The following ZFP69 variants were observed in gnomAD, a reference collection of about 807,000 sequenced individuals.
ZFP69 encodes ZFP69 zinc finger protein.
Under a neutral mutation model 48.9 loss-of-function variants are expected in ZFP69, and 35 were observed. The observed-to-expected ratio is 0.72, with a 90% CI of 0.55 to 0.95. The LOEUF (loss-of-function observed/expected upper bound fraction) is 0.95, where lower values mean the gene tolerates loss of function less well. Ranked by LOEUF, ZFP69 falls within the 40% of genes least tolerant of loss-of-function variation. ZFP69 has a pLI of 0.00. For synonymous variants in ZFP69, 193 were observed against 216.8 expected (o/e 0.89, Z 0.96); for missense variants, 557 against 638.4 (o/e 0.87, Z 1.37).
chr1:40,494,644 A>T (rs1017505403), intron 5 of ZFP69, among the ~76,000 whole-genome samples: 2 of 146,818 alleles, frequency 1.4e-5, no homozygotes, highest in African/African-American at 4.9e-5. Flanking sequence ...TTATATATAA[A>T]ATATATATTT....
Position 40,481,746 on chromosome 1 carries a change from C to A in ZFP69, c.128-17C>A. On this transcript the variant is annotated splice_polypyrimidine_tract_variant and intron_variant, in intron 2 of 5. Coordinates refer to ENST00000372706, the MANE Select transcript of ZFP69 (RefSeq NM_001320179.2). Reference sequence around the variant, plus strand: ...ATTTGGGGAGATGCAAAGCTCATGGCTCTTTTCCTTCCCCAGCTCTGCTGT... The same window carrying A: ...ATTTGGGGAGATGCAAAGCTCATGGATCTTTTCCTTCCCCAGCTCTGCTGT... 1.3e-6 allele frequency: 2 copies of A among 1,591,218 alleles called. No individual in the cohort carries two copies. The highest frequency in any genetic ancestry group is 8.6e-7 in the Non-Finnish European group (1 of 1,166,322).
rs1645598717 is a variant in ZFP69 at position 40,494,255 on chromosome 1, A to ATTTT, written c.443-666_443-665insTTTT. 6.9e-3 allele frequency among the ~76,000 whole-genome samples: 852 copies of ATTTT among 123,750 alleles called. 71 individuals carry two copies. Among genetic ancestry groups the ATTTT allele is most frequent in the African/African-American group, 0.014 (447 of 31,550 alleles). The allele number at this position is 123,750 out of a possible 152,430, so 81.2% of individuals were successfully genotyped here. A position where few individuals can be genotyped will look rare whatever the true frequency, so the allele number is the denominator to read the frequency against. On this transcript the variant is annotated intron_variant, in intron 5 of 5. Coordinates refer to ENST00000372706, the MANE Select transcript of ZFP69 (RefSeq NM_001320179.2). ...ATTAGAGCAGGACTAAAAGATTCAAAATTTTTTTTTTTTTTTTTTTTTTTT... is the reference window on the plus strand; with the variant it reads ...ATTAGAGCAGGACTAAAAGATTCAAATTTTATTTTTTTTTTTTTTTTTTTTTTTT...
Position 40,489,124 on chromosome 1 carries a change from A to C in ZFP69, c.256A>C (p.Thr86Pro). The C allele has an allele frequency of 6.2e-7, 1 of 1,613,950 alleles. No homozygotes were observed. Among genetic ancestry groups the C allele is most frequent in the Non-Finnish European group, 8.5e-7 (1 of 1,180,000 alleles). ...LTFKDISIDF[T>P]QEEWGQLAPA... ...TTTCAAGGACATATCTATTGACTTC[A>C]CCCAGGAAGAGTGGGGGCAGCTGGC... Residue 86 changes from threonine to proline, a missense_variant, in exon 4 of 6, where the codon ACC becomes CCC. Physicochemically the swap from Thr to Pro is conservative, Grantham distance 38. Transcript: ENST00000372706.
intron 3 of ZFP69, among the ~76,000 whole-genome samples, chr1:40,485,252 G>A (rs900781003): frequency 5.3e-5 from 8 of 151,860 alleles, no homozygotes; most frequent in African/African-American, 1.7e-4. Flanking sequence ...TTATATGTGA[G>A]GCCATATAAT....
At position 40,495,137 on chromosome 1, in the gene ZFP69, T is replaced by A. The variant is rs1645616356; in HGVS notation, c.659T>A (p.Val220Asp). Reference protein sequence around the residue: ...RQAILTHKKRVQETNKFGENI... With the variant: ...RQAILTHKKRDQETNKFGENI... ...GCCATCTTGACCCATAAGAAGAGAG[T>A]CCAAGAAACTAACAAATTTGGGGAA... The change falls in exon 6 of 6, where the codon GTC (valine) becomes GAC (aspartate). Residue 220 changes from valine (V) to aspartate (D), a missense_variant. Val to Asp is a radical substitution (Grantham distance 152, BLOSUM62 -3). Transcript: ENST00000372706. 2 of 1,613,804 alleles carry A rather than the reference T, an allele frequency of 1.2e-6. No homozygotes were observed. The highest frequency in any genetic ancestry group is 2.7e-5 in the African/African-American group (2 of 74,828).
intron 3 of ZFP69, among the ~76,000 whole-genome samples, chr1:40,483,685 C>T (rs1353251489): frequency 6.6e-6 from 1 of 152,172 alleles, no homozygotes; most frequent in Non-Finnish European, 1.5e-5. Context: ...ATTATCGTTA[C>T]TTCTTCCATA....
intron 3 of ZFP69, among the ~76,000 whole-genome samples, chr1:40,488,228 C>T (rs1430174190): frequency 6.6e-6 from 1 of 152,100 alleles, no homozygotes; most frequent in Non-Finnish European, 1.5e-5. Flanking sequence ...TATTTCCAAA[C>T]CCTTTCGTCT....
At position 40,479,032 on chromosome 1, in the gene ZFP69, G is replaced by C. The variant is rs41268065; in HGVS notation, c.-326-4G>C. 11,958 of 248,404 alleles carry C rather than the reference G, an allele frequency of 0.048. 448 individuals are homozygous for C. The highest frequency in any genetic ancestry group is 0.11 in the African/African-American group (4,646 of 43,370). The allele number at this position is 248,404 out of a possible 1,614,324, so 15.4% of individuals were successfully genotyped here. On this transcript the variant is annotated splice_polypyrimidine_tract_variant and splice_region_variant and intron_variant, in intron 1 of 5. Coordinates refer to ENST00000372706, the MANE Select transcript of ZFP69 (RefSeq NM_001320179.2). ...ATTTTGCAGTTTTAAATATATTTCTGCAGATTCTGGAGTTCTGGAGACAAG... is the reference window on the plus strand; with the variant it reads ...ATTTTGCAGTTTTAAATATATTTCTCCAGATTCTGGAGTTCTGGAGACAAG...
At chr1:40,489,866 CTT>C (rs374820239) in intron 5 of ZFP69, among the ~76,000 whole-genome samples, 21,108 of 114,406 alleles carry the variant, frequency 0.18, 1,795 homozygotes, top group East Asian at 0.35. Flanking sequence ...TTTTCTTTTT[CTT>C]TTTTTTTTTT....
chr1:40,483,012 A>G (rs1645457875), intron 3 of ZFP69, among the ~76,000 whole-genome samples: 1 of 152,162 alleles, frequency 6.6e-6, no homozygotes, highest in Non-Finnish European at 1.5e-5. Flanking sequence ...CACTACGTCT[A>G]ACAACTACAG....
chr1:40,496,065 GA>G lies in ZFP69; in HGVS notation c.*7del. 1 of 1,551,836 alleles carries G rather than the reference GA, an allele frequency of 6.4e-7. No homozygotes were observed. The highest frequency in any genetic ancestry group is 8.7e-7 in the Non-Finnish European group (1 of 1,151,846). On this transcript the variant is annotated 3_prime_UTR_variant, in exon 6 of 6. Coordinates refer to ENST00000372706, the MANE Select transcript of ZFP69 (RefSeq NM_001320179.2). ...CCTTCCGAAATAAGGTGTAAAAACA[GA>G]TATTTGACTTGAGAACAAAAGCCAA...
At chr1:40,487,920 G>A (rs377488147) in intron 3 of ZFP69, among the ~76,000 whole-genome samples, 12 of 152,020 alleles carry the variant, frequency 7.9e-5, no homozygotes, top group East Asian at 7.8e-4. Context: ...GGTGGCGTGC[G>A]CCTGTAATAC....
In ZFP69 at chr1:40,496,254, CTTAAAA is replaced by C. The variant is rs1322065373; in HGVS notation, c.*201_*206del. On this transcript the variant is annotated 3_prime_UTR_variant, in exon 6 of 6. Coordinates refer to ENST00000372706, the MANE Select transcript of ZFP69 (RefSeq NM_001320179.2). The stretch of plus-strand genomic sequence containing the variant: ...AAGTACTTAAGATTAAAATCTGGTC[CTTAAAA>C]TTAAATGAATTCAGCATTATGAAAA... 5.2e-5 allele frequency: 24 copies of C among 459,352 alleles called. No individual in the cohort carries two copies. Among genetic ancestry groups the C allele is most frequent in the South Asian group, 6.5e-5 (1 of 15,458 alleles). The allele number at this position is 459,352 out of a possible 1,614,324, so 28.5% of individuals were successfully genotyped here. A position where few individuals can be genotyped will look rare whatever the true frequency, so the allele number is the denominator to read the frequency against.
Position 40,494,791 on chromosome 1 carries a change from C to T in ZFP69, c.443-130C>T, listed in dbSNP as rs1350214692. ...TGTTTCTTAATTTCCTTTCCCATTA[C>T]CTCTCCAAGCAGCATAATCATATTT... On this transcript the variant is annotated intron_variant, in intron 5 of 5. Transcript: ENST00000372706. 6 of 650,924 alleles carry T rather than the reference C, an allele frequency of 9.2e-6. No individual in the cohort carries two copies. The East Asian group carries it at 1.2e-4, about 13-fold the overall frequency. The allele number at this position is 650,924 out of a possible 1,614,324, so 40.3% of individuals were successfully genotyped here. A position where few individuals can be genotyped will look rare whatever the true frequency, so the allele number is the denominator to read the frequency against.
chr1:40,481,936 G>C, intron 3 of ZFP69, 82 bp downstream of exon 3: 2 of 975,968 alleles, frequency 2.0e-6, no homozygotes, highest in Non-Finnish European at 3.1e-6. Flanking sequence ...GCAGAGGTGG[G>C]AGTGGTGGTG....
rs1273169882 is a variant in ZFP69, at chr1:40,481,190, T to G, written c.128-573T>G. 3.9e-5 allele frequency among the ~76,000 whole-genome samples: 6 copies of G among 152,194 alleles called. No individual in the cohort carries two copies. In the South Asian group the frequency reaches 8.3e-4, roughly 21 times the overall value. ...GAATGTCTTAGGTTTTTTGTGTAGA[T>G]TTGGGGAAAGGATACAAAAGTGGGT... On this transcript the variant is annotated intron_variant, in intron 2 of 5. Coordinates refer to ENST00000372706, the MANE Select transcript of ZFP69 (RefSeq NM_001320179.2).
In ZFP69 at chr1:40,495,515, A is replaced by G. The variant is rs370243933; in HGVS notation, c.1037A>G (p.His346Arg). 6.8e-6 allele frequency: 11 copies of G among 1,614,076 alleles called. No homozygotes were observed. Among genetic ancestry groups the G allele is most frequent in the Admixed American group, 1.7e-5 (1 of 60,008 alleles). Residue 346 changes from histidine (H) to arginine (R), a missense_variant, in exon 6 of 6, where the codon CAT becomes CGT. Transcript: ENST00000372706. ...CATCGCTCATCACTTAATCAGCATC[A>G]TAGAACTCACACTGGGGAGAAACCC... ...FRHRSSLNQH[H>R]RTHTGEKPYV... is the part of the protein sequence containing the mutation.
Position 40,489,785 on chromosome 1 carries a change from C to G in ZFP69, c.442+161C>G, listed in dbSNP as rs146420614. ...CCTGGTGAGGGCCTCAGGAAACTTACAATCATGGTGAAAGGCATATCACAT... is the reference window on the plus strand; with the variant it reads ...CCTGGTGAGGGCCTCAGGAAACTTAGAATCATGGTGAAAGGCATATCACAT... On this transcript the variant is annotated intron_variant, in intron 5 of 5. Coordinates refer to ENST00000372706, the MANE Select transcript of ZFP69 (RefSeq NM_001320179.2). Among the ~76,000 whole-genome samples the G allele has an allele frequency of 3.9e-3, 583 of 151,164 alleles. 7 individuals are homozygous for G. Among genetic ancestry groups the G allele is most frequent in the African/African-American group, 0.013 (541 of 41,274 alleles).
At chr1:40,493,275 T>G (rs1193409399) in intron 5 of ZFP69, 1 of 152,014 alleles carries the variant, frequency 6.6e-6, no homozygotes, top group Admixed American at 6.6e-5. Context: ...ACAAAATTGA[T>G]TTTGAATATT....
Sources: allele counts gnomAD v4.1 joint callset (sites outside exome capture counted in the v4.1 genomes callset), GRCh38; gene constraint gnomAD v4.1.1; transcripts MANE v1.5; gene names NCBI Gene and HGNC (gene_info 2026-07-23, HGNC 2026-07-21).